Variants in ABCA13 observed in about 807,000 individuals in gnomAD.
ABCA13 encodes ATP-binding cassette sub-family A member 13.
In ABCA13, 476 loss-of-function variants were observed where a neutral mutation model predicts 478.7. The ratio of observed to expected loss-of-function variants is 0.99; its 90% CI spans 0.92 to 1.07. The LOEUF (loss-of-function observed/expected upper bound fraction) is 1.07. ABCA13 is among the 50% of genes least tolerant of loss of function. ABCA13 has a pLI of 0.00. For synonymous variants in ABCA13, 2,252 were observed against 2,158.9 expected (o/e 1.04, Z -1.20); for missense variants, 6,060 against 5,910.6 (o/e 1.03, Z -0.83).
intron 54 of ABCA13, 104 bp downstream of exon 54, chr7:48,524,544 A>T: frequency 1.9e-6 from 2 of 1,064,328 alleles, no homozygotes; most frequent in Non-Finnish European, 2.6e-6. Context: ...CAGAGCCAAA[A>T]ATAGCCTTCA....
At chr7:48,416,733 A>G (rs768636798) in intron 41 of ABCA13, among the ~76,000 whole-genome samples, 1 of 152,040 alleles carries the variant, frequency 6.6e-6, no homozygotes, top group Non-Finnish European at 1.5e-5. Flanking sequence ...CTTGGGGTTT[A>G]GAGGCTGCAC....
rs763279179 is a variant in ABCA13 at position 48,313,051 on chromosome 7, T to C, written c.9517-16T>C. On this transcript the variant is annotated splice_polypyrimidine_tract_variant and intron_variant, in intron 24 of 61. Transcript: ENST00000435803. ...TTGGTTATTTCATGTTGTTTTGTTT[T>C]TGTTTTGTCCTTTAGACTCTGATGC... is the stretch of plus-strand genomic sequence containing the variant. 2 of 1,529,054 alleles carry C rather than the reference T, an allele frequency of 1.3e-6. No individual in the cohort carries two copies. Among genetic ancestry groups the C allele is most frequent in the Non-Finnish European group, 1.8e-6 (2 of 1,138,808 alleles). The allele number at this position is 1,529,054 out of a possible 1,614,324, so 94.7% of individuals were successfully genotyped here.
chr7:48,512,131 G>A (rs1831742213), intron 51 of ABCA13, among the ~76,000 whole-genome samples: 1 of 151,892 alleles, frequency 6.6e-6, no homozygotes, highest in Admixed American at 6.6e-5. Context: ...GAGAGAGGGA[G>A]AGAGAGATTA....
intron 47 of ABCA13, 51 bp downstream of exon 47, chr7:48,483,214 C>G: frequency 6.8e-7 from 1 of 1,472,468 alleles, no homozygotes. Flanking sequence ...TTTAGGAAAA[C>G]TCAACATTCA....
At chr7:48,587,322 A>G (rs1789285060) in intron 57 of ABCA13, 34 bp downstream of exon 57, 1 of 1,564,124 alleles carries the variant, frequency 6.4e-7, no homozygotes, top group African/African-American at 1.4e-5. Context: ...TTGGAGTAAG[A>G]TACATATTGC....
rs187846610 is a variant in ABCA13 at position 48,449,042 on chromosome 7, C to T, written c.12566-5995C>T. 8.5e-5 allele frequency among the ~76,000 whole-genome samples: 13 copies of T among 152,186 alleles called. No homozygotes were observed. The East Asian group carries it at 2.5e-3, about 29-fold the overall frequency. Reference sequence around the variant, plus strand: ...ATTTTTAGTAGAGATGGGATTTCACCATGTTGGCCAGGCTGGTCTCGAACT... The same window carrying T: ...ATTTTTAGTAGAGATGGGATTTCACTATGTTGGCCAGGCTGGTCTCGAACT... On this transcript the variant is annotated intron_variant, in intron 42 of 61. Transcript: ENST00000435803.
chr7:48,242,382 AG>A (rs1482048285), intron 10 of ABCA13, among the ~76,000 whole-genome samples: 1 of 152,126 alleles, frequency 6.6e-6, no homozygotes, highest in Admixed American at 6.5e-5. Flanking sequence ...TCTCAGTGCC[AG>A]GAAGATGAGG....
intron 53 of ABCA13, among the ~76,000 whole-genome samples, chr7:48,521,897 C>T (rs1164683299): frequency 3.3e-5 from 5 of 152,008 alleles, no homozygotes; most frequent in Non-Finnish European, 7.4e-5. Context: ...ACTGCATGAC[C>T]CAGTCAATTT....
chr7:48,284,444 T>G (rs1797454846), intron 19 of ABCA13, among the ~76,000 whole-genome samples: 1 of 152,118 alleles, frequency 6.6e-6, no homozygotes, highest in Admixed American at 6.5e-5. Flanking sequence ...TAAGTACAAG[T>G]TAGGATGGTT....
At chr7:48,521,508 C>A (rs1832543760) in intron 53 of ABCA13, among the ~76,000 whole-genome samples, 1 of 152,100 alleles carries the variant, frequency 6.6e-6, no homozygotes, top group Admixed American at 6.6e-5. Flanking sequence ...GGCCACATCA[C>A]CCTGGAGTCT....
Position 48,171,466 on chromosome 7 carries a change from G to C in ABCA13, c.-18G>C, listed in dbSNP as rs535336068. The C allele has an allele frequency of 1.5e-4, 236 of 1,535,854 alleles. 1 individual carries two copies. The African/African-American group carries it at 3.0e-3, about 19-fold the overall frequency. ...CCTTACAGGCTGGCTTCCTGACTGA[G>C]AGCAGGGAGCAGCAGGCATGGGGCA... is the stretch of plus-strand genomic sequence containing the variant. On this transcript the variant is annotated 5_prime_UTR_variant, in exon 1 of 62. Coordinates refer to ENST00000435803, the MANE Select transcript of ABCA13 (RefSeq NM_152701.5).
chr7:48,507,482 C>T (rs961091137), intron 49 of ABCA13, among the ~76,000 whole-genome samples: 3 of 152,180 alleles, frequency 2.0e-5, no homozygotes, highest in African/African-American at 2.4e-5. Flanking sequence ...GTAGTGAAGG[C>T]TCCTCTCTGG....
chr7:48,442,227 T>TTATGACTTCCCCAAGTTGTAG (rs2129168076), intron 42 of ABCA13, among the ~76,000 whole-genome samples: 1 of 152,304 alleles, frequency 6.6e-6, no homozygotes, highest in Non-Finnish European at 1.5e-5. Flanking sequence ...CCCAGTTGTA[T>TTATGACTTCCCCAAGTTGTAG]TATGACTTCC....
At chr7:48,492,100 G>T (rs1173914980) in intron 48 of ABCA13, among the ~76,000 whole-genome samples, 1 of 152,164 alleles carries the variant, frequency 6.6e-6, no homozygotes, top group Non-Finnish European at 1.5e-5. Context: ...CGCTTGATAA[G>T]AAGCTATTTT....
intron 27 of ABCA13, among the ~76,000 whole-genome samples, chr7:48,335,182 G>A (rs541010511): frequency 6.6e-6 from 1 of 152,312 alleles, no homozygotes; most frequent in South Asian, 2.1e-4. Context: ...CTCTAACACT[G>A]GCGAGACAGC....
chr7:48,613,527 A>G (rs1048798102), intron 58 of ABCA13, among the ~76,000 whole-genome samples: 1 of 142,488 alleles, frequency 7.0e-6, no homozygotes, highest in Non-Finnish European at 1.6e-5. Context: ...TTAAGACACA[A>G]CGACTACAAA....
chr7:48,612,999 T>C (rs1439781672), intron 58 of ABCA13, among the ~76,000 whole-genome samples: 1 of 152,180 alleles, frequency 6.6e-6, no homozygotes, highest in African/African-American at 2.4e-5. Flanking sequence ...AAAATCAATT[T>C]GATTTAATGG....
chr7:48,232,468 G>A (rs1789292180), intron 7 of ABCA13, among the ~76,000 whole-genome samples: 1 of 152,044 alleles, frequency 6.6e-6, no homozygotes, highest in African/African-American at 2.4e-5. Context: ...TCAAAGCTAA[G>A]GAACACTATT....
chr7:48,498,009 T>C (rs1918611), intron 48 of ABCA13, among the ~76,000 whole-genome samples: 132,648 of 151,942 alleles, frequency 0.87, 58,151 homozygotes, highest in African/African-American at 0.95. Context: ...CTCAGCTCTT[T>C]GTTGGTCCCT....
Sources: gnomAD v4.1 joint callset for allele counts (sites outside exome capture counted in the v4.1 genomes callset) on GRCh38, gnomAD v4.1.1 for gene constraint, MANE v1.5 for transcripts, NCBI Gene and HGNC (gene_info 2026-07-23, HGNC 2026-07-21) for gene names.